The following AIG1 variants were observed in gnomAD, a reference collection of about 807,000 sequenced individuals.
AIG1 encodes the protein androgen induced 1.
Under a neutral mutation model 31.4 loss-of-function variants are expected in AIG1, and 23 were observed. The observed-to-expected ratio is 0.73, with a 90% CI of 0.53 to 1.04. The LOEUF (loss-of-function observed/expected upper bound fraction) is 1.04. Among genes scored for constraint, AIG1 ranks in the 50% least tolerant of loss-of-function variants. The pLI is 0.00. For synonymous variants in AIG1, 100 were observed against 110.5 expected, an observed-to-expected ratio of 0.90 and a Z score of 0.60; for missense variants, 274 against 295.0, an observed-to-expected ratio of 0.93 and a Z score of 0.52.
intron 4 of AIG1, among the ~76,000 whole-genome samples, chr6:143,289,164 ACT>A (rs1326098414): frequency 1.3e-5 from 2 of 151,878 alleles, no homozygotes; most frequent in South Asian, 2.1e-4. Context: ...ATTAATGGAG[ACT>A]CTCTACAAAT....
intron 3 of AIG1, among the ~76,000 whole-genome samples, chr6:143,206,200 C>T (rs1791096170): frequency 6.6e-6 from 1 of 152,178 alleles, no homozygotes; most frequent in African/African-American, 2.4e-5. Context: ...CGTCACTGTC[C>T]ATTGTAATAG....
Position 143,327,536 on chromosome 6 carries a change from TG to T in AIG1, c.516-5744del. 1 of 384,290 alleles carries T rather than the reference TG, an allele frequency of 2.6e-6. No individual in the cohort carries two copies. The allele number at this position is 384,290 out of a possible 1,614,324, so 23.8% of individuals were successfully genotyped here. A position where few individuals can be genotyped will look rare whatever the true frequency, so the allele number is the denominator to read the frequency against. On this transcript the variant is annotated intron_variant, in intron 4 of 5. Transcript: ENST00000357847. This position sits in a 1 kb window ranked among gnomAD's most constrained non-coding sequence, Gnocchi z 5.3. ...GAATGTCCCATACTGTAACCATGTG[TG>T]GTTGTCCAGAAAATATTCTGAGGAT...
In AIG1 at chr6:143,136,826, C is replaced by A; in HGVS notation, c.142-9C>A. 1 of 1,377,676 alleles carries A rather than the reference C, an allele frequency of 7.3e-7. No individual in the cohort carries two copies. The allele number at this position is 1,377,676 out of a possible 1,614,324, so 85.3% of individuals were successfully genotyped here. On this transcript the variant is annotated splice_polypyrimidine_tract_variant and intron_variant, in intron 1 of 5. Transcript: ENST00000357847. ...TTAATGACTCATACCGGCTGTTGTC[C>A]CCCTACAGGTTATCCAGGCTGTCTT...
chr6:143,257,092 G>T (rs1448473617), intron 3 of AIG1, among the ~76,000 whole-genome samples: 1 of 152,178 alleles, frequency 6.6e-6, no homozygotes. Flanking sequence ...ATTTCTGAAG[G>T]AATCACGTCA....
chr6:143,108,330 T>C (rs1223826319), intron 1 of AIG1, among the ~76,000 whole-genome samples: 1 of 152,204 alleles, frequency 6.6e-6, no homozygotes, highest in African/African-American at 2.4e-5. Context: ...AATTACTCAA[T>C]GTAAGACAAT....
rs1441684960 is a variant in AIG1, at chr6:143,256,783, A to G, written c.400-27327A>G. 6.6e-6 allele frequency among the ~76,000 whole-genome samples: 1 copy of G among 152,264 alleles called. No individual in the cohort carries two copies. The highest frequency in any genetic ancestry group is 2.4e-5 in the African/African-American group (1 of 41,470). ...TCTAGATTTTGACACATTAGAAGAAAAAATAAAGTTATATTATTTTAAAAA... is the reference window on the plus strand; with the variant it reads ...TCTAGATTTTGACACATTAGAAGAAGAAATAAAGTTATATTATTTTAAAAA... On this transcript the variant is annotated intron_variant, in intron 3 of 5. Coordinates refer to ENST00000357847, the MANE Select transcript of AIG1 (RefSeq NM_016108.4). This position sits in a 1 kb window ranked among gnomAD's most constrained non-coding sequence, Gnocchi z 4.6.
chr6:143,160,413 A>G (rs1786242320), intron 2 of AIG1, among the ~76,000 whole-genome samples: 1 of 152,188 alleles, frequency 6.6e-6, no homozygotes, highest in Non-Finnish European at 1.5e-5. Context: ...TTAATTTCCT[A>G]GTAGTTCTGG....
intron 2 of AIG1, among the ~76,000 whole-genome samples, chr6:143,151,001 G>A (rs574534104): frequency 5.9e-5 from 9 of 152,224 alleles, no homozygotes; most frequent in Middle Eastern, 3.4e-3. Context: ...AAGAAAAAAC[G>A]CTCTGAAGTG....
chr6:143,206,210 G>T (rs902386393), intron 3 of AIG1, among the ~76,000 whole-genome samples: 3 of 152,244 alleles, frequency 2.0e-5, no homozygotes, highest in Admixed American at 2.0e-4. Flanking sequence ...CATTGTAATA[G>T]CTGGCAGGCA....
intron 3 of AIG1, among the ~76,000 whole-genome samples, chr6:143,247,609 A>G (rs1794707714): frequency 6.6e-6 from 1 of 152,252 alleles, no homozygotes; most frequent in Non-Finnish European, 1.5e-5. Context: ...CCAGTAGCCA[A>G]GGGAAATGGC....
chr6:143,083,629 T>C (rs1778495276), intron 1 of AIG1, among the ~76,000 whole-genome samples: 1 of 152,132 alleles, frequency 6.6e-6, no homozygotes, highest in African/African-American at 2.4e-5. Flanking sequence ...CTCCTAAAAT[T>C]GGAGTATTGC....
chr6:143,070,778 A>G (rs188677814), intron 1 of AIG1, among the ~76,000 whole-genome samples: 40 of 152,330 alleles, frequency 2.6e-4, no homozygotes, highest in African/African-American at 9.4e-4. Context: ...ACCTCTTAAA[A>G]GGCCTTACTT....
At chr6:143,065,571 A>G (rs1345943808) in intron 1 of AIG1, among the ~76,000 whole-genome samples, 1 of 152,226 alleles carries the variant, frequency 6.6e-6, no homozygotes, top group Non-Finnish European at 1.5e-5. Flanking sequence ...ACATAAATAA[A>G]TGAAAAGAAA....
chr6:143,061,757 G>A (rs1776280228), intron 1 of AIG1, among the ~76,000 whole-genome samples: 2 of 152,128 alleles, frequency 1.3e-5, no homozygotes, highest in African/African-American at 4.8e-5. Context: ...TCCTCTGTTG[G>A]CACAATATGA....
At chr6:143,322,790 A>C (rs1044228324) in intron 4 of AIG1, among the ~76,000 whole-genome samples, 1 of 152,226 alleles carries the variant, frequency 6.6e-6, no homozygotes, top group Non-Finnish European at 1.5e-5. Flanking sequence ...TTACCTCATT[A>C]CAGGAATTCA....
chr6:143,224,749 G>A (rs1454034411), intron 3 of AIG1, among the ~76,000 whole-genome samples: 5 of 152,062 alleles, frequency 3.3e-5, no homozygotes, highest in Non-Finnish European at 1.5e-5. Flanking sequence ...TTTGTCTTCA[G>A]TATTTTCTGA....
Position 143,084,202 on chromosome 6 carries a change from G to A in AIG1, c.141+23136G>A, listed in dbSNP as rs1436957510. On this transcript the variant is annotated intron_variant, in intron 1 of 5. Coordinates refer to ENST00000357847, the MANE Select transcript of AIG1 (RefSeq NM_016108.4). ...GATGGTATGGGCTGGTGCTTGCCCC[G>A]GGCACCCTCAGTCCTGCTACCGGCT... Among the ~76,000 whole-genome samples the A allele has an allele frequency of 3.9e-5, 6 of 152,116 alleles. 1 individual carries two copies. The highest frequency in any genetic ancestry group is 4.1e-4 in the South Asian group (2 of 4,834).
At chr6:143,204,355 C>T (rs1184760926) in intron 3 of AIG1, among the ~76,000 whole-genome samples, 1 of 152,078 alleles carries the variant, frequency 6.6e-6, no homozygotes. Flanking sequence ...GACCAGAGTG[C>T]CTACATGTGG....
intron 3 of AIG1, among the ~76,000 whole-genome samples, chr6:143,206,922 G>A (rs1791153629): frequency 6.6e-6 from 1 of 152,112 alleles, no homozygotes; most frequent in African/African-American, 2.4e-5. Flanking sequence ...TGTTTAGAGT[G>A]GAGATAAAAT....
Sources: gnomAD v4.1 joint callset for allele counts (sites outside exome capture counted in the v4.1 genomes callset) on GRCh38, gnomAD v4.1.1 for gene constraint, Gnocchi (gnomAD v3.1) non-coding constraint, MANE v1.5 for transcripts, NCBI Gene and HGNC (gene_info 2026-07-23, HGNC 2026-07-21) for gene names.